PIGU: variants seen among roughly 807,000 people sequenced by gnomAD.
PIGU encodes the protein GPI-anchor transamidase component PIGU.
A neutral mutation model predicts 49.9 loss-of-function variants in PIGU; 24 were observed. The observed-to-expected ratio is 0.48, with a 90% CI of 0.35 to 0.68. The LOEUF is 0.68. PIGU is among the 30% of genes least tolerant of loss of function. The probability of loss-of-function intolerance (pLI) is 0.01; values close to 1 mark genes in which losing one functional copy is unlikely to be tolerated. For synonymous variants in PIGU, 220 were observed against 205.7 expected (o/e 1.07, Z -0.59); for missense variants, 490 against 532.6 (o/e 0.92, Z 0.79).
intron 1 of PIGU, among the ~76,000 whole-genome samples, chr20:34,669,242 C>A (rs950414234): frequency 1.3e-5 from 2 of 152,070 alleles, no homozygotes; most frequent in Non-Finnish European, 2.9e-5. Context: ...CCAATGCTAT[C>A]ATCTTAGTTT....
chr20:34,658,409 C>T (rs1435688724), intron 1 of PIGU, among the ~76,000 whole-genome samples: 3 of 152,140 alleles, frequency 2.0e-5, no homozygotes, highest in Admixed American at 1.3e-4. Flanking sequence ...TCTGCCCGGC[C>T]GCCACCCCGT....
At chr20:34,596,083 A>G (rs994690391) in intron 7 of PIGU, among the ~76,000 whole-genome samples, 3 of 152,240 alleles carry the variant, frequency 2.0e-5, no homozygotes, top group Non-Finnish European at 4.4e-5. Context: ...GGCAGACACT[A>G]ACGTCACCAA....
intron 7 of PIGU, among the ~76,000 whole-genome samples, chr20:34,604,287 A>G (rs553396297): frequency 2.0e-5 from 3 of 152,330 alleles, no homozygotes; most frequent in South Asian, 4.1e-4. Context: ...CCTCTCCCCA[A>G]GTCTCTACAG....
intron 11 of PIGU, among the ~76,000 whole-genome samples, chr20:34,562,897 G>A (rs1982588569): frequency 6.6e-6 from 1 of 152,226 alleles, no homozygotes; most frequent in Non-Finnish European, 1.5e-5. Context: ...TGGGCAGGAG[G>A]AGCCCAAAGC....
At chr20:34,573,731 A>G (rs568361745) in intron 11 of PIGU, among the ~76,000 whole-genome samples, 1 of 152,260 alleles carries the variant, frequency 6.6e-6, no homozygotes, top group Non-Finnish European at 1.5e-5. Flanking sequence ...TGAGCCCTGC[A>G]GAATTCTGCC....
At position 34,618,562 on chromosome 20, in the gene PIGU, G is replaced by A. The variant is rs562966074; in HGVS notation, c.530-2423C>T. 2.4e-4 allele frequency among the ~76,000 whole-genome samples: 37 copies of A among 152,256 alleles called. No homozygotes were observed. In the South Asian group the frequency reaches 3.7e-3, roughly 15 times the overall value. On this transcript the variant is annotated intron_variant, in intron 6 of 11. Transcript: ENST00000217446. ...TTTGAAAGGCAAAGGTGGGAGGACT[G>A]TTTGAACCCAGGAGTTACAGACTAG...
intron 11 of PIGU, among the ~76,000 whole-genome samples, chr20:34,574,838 T>C (rs556773471): frequency 1.0e-3 from 155 of 152,296 alleles, no homozygotes; most frequent in African/African-American, 3.6e-3. Context: ...ATTTGTAAAG[T>C]AGGGCTAACA....
chr20:34,588,670 T>C (rs1983807073), intron 7 of PIGU, 63 bp from the exon 8 acceptor site: 1 of 1,500,236 alleles, frequency 6.7e-7, no homozygotes, highest in Admixed American at 2.0e-5. Flanking sequence ...GCTATTAGCT[T>C]ACACTTAAAG....
chr20:34,576,465 G>T (rs542680720), intron 10 of PIGU, among the ~76,000 whole-genome samples: 5 of 152,050 alleles, frequency 3.3e-5, no homozygotes, highest in African/African-American at 1.2e-4. Context: ...CTCTAGAGGA[G>T]AACCCCTTGC....
chr20:34,585,231 G>T (rs1983649635), intron 9 of PIGU, among the ~76,000 whole-genome samples: 1 of 152,230 alleles, frequency 6.6e-6, no homozygotes, highest in African/African-American at 2.4e-5. Flanking sequence ...GGGCTCCAAA[G>T]CACCCTCACT....
At chr20:34,658,061 T>C (rs1278012094) in intron 1 of PIGU, among the ~76,000 whole-genome samples, 1 of 152,036 alleles carries the variant, frequency 6.6e-6, no homozygotes, top group Non-Finnish European at 1.5e-5. Context: ...TGGACTGTAC[T>C]GCTGCCATCT....
intron 7 of PIGU, among the ~76,000 whole-genome samples, chr20:34,607,436 A>C (rs1428072736): frequency 6.6e-6 from 1 of 152,176 alleles, no homozygotes; most frequent in Admixed American, 6.5e-5. Context: ...TTTCAGACGG[A>C]CACCTTGATG....
chr20:34,590,301 A>G (rs892416128), intron 7 of PIGU, among the ~76,000 whole-genome samples: 1 of 152,172 alleles, frequency 6.6e-6, no homozygotes, highest in Non-Finnish European at 1.5e-5. Context: ...TCATACCTGT[A>G]ATCCCAGCAC....
At chr20:34,611,767 C>T (rs917701896) in intron 7 of PIGU, among the ~76,000 whole-genome samples, 2 of 151,396 alleles carry the variant, frequency 1.3e-5, no homozygotes, top group Non-Finnish European at 1.5e-5. Context: ...GAAAAAAGCT[C>T]ATCATCACTG....
chr20:34,606,903 G>A (rs1259036596), intron 7 of PIGU, among the ~76,000 whole-genome samples: 1 of 152,122 alleles, frequency 6.6e-6, no homozygotes, highest in African/African-American at 2.4e-5. Flanking sequence ...TGGGATTACA[G>A]GCACCCACCA....
At chr20:34,604,037 C>T (rs2146729661) in intron 7 of PIGU, among the ~76,000 whole-genome samples, 1 of 152,146 alleles carries the variant, frequency 6.6e-6, no homozygotes, top group South Asian at 2.1e-4. Context: ...AAAAAATTTC[C>T]ACATGAATTT....
chr20:34,639,578 C>T (rs937409453), intron 4 of PIGU, among the ~76,000 whole-genome samples: 4 of 151,042 alleles, frequency 2.6e-5, no homozygotes, highest in Admixed American at 6.6e-5. Context: ...TTTTTCAGCC[C>T]GAAAATAGGT....
At chr20:34,674,883 G>A (rs938087954) in intron 1 of PIGU, among the ~76,000 whole-genome samples, 2 of 151,040 alleles carry the variant, frequency 1.3e-5, no homozygotes, top group African/African-American at 4.9e-5. Flanking sequence ...AGAGGTCAAG[G>A]CTGCAGTGAC....
chr20:34,655,583 A>G (rs1272409372), intron 2 of PIGU, among the ~76,000 whole-genome samples: 1 of 121,224 alleles, frequency 8.2e-6, no homozygotes, highest in Non-Finnish European at 1.8e-5. Flanking sequence ...CTGAGGCAGG[A>G]GAATGGCGTG....
Sources: allele counts gnomAD v4.1 joint callset (sites outside exome capture counted in the v4.1 genomes callset), GRCh38; gene constraint gnomAD v4.1.1; transcripts MANE v1.5; gene names NCBI Gene and HGNC (gene_info 2026-07-23, HGNC 2026-07-21).